Variants in PDE7B observed in about 807,000 individuals in gnomAD.
The protein encoded by PDE7B is phosphodiesterase 7B.
PDE7B carries 29 observed loss-of-function variants against 56.2 expected under a neutral mutation model. The ratio of observed to expected loss-of-function variants is 0.52; its 90% CI spans 0.38 to 0.70. PDE7B has a LOEUF of 0.70. PDE7B is among the 30% of genes least tolerant of loss of function. The pLI is 0.00. For synonymous variants in PDE7B, 197 were observed against 196.9 expected (o/e 1.00, Z 0.00); for missense variants, 490 against 565.0 (o/e 0.87, Z 1.35).
chr6:136,134,558 A>C (rs775967568), intron 3 of PDE7B, among the ~76,000 whole-genome samples: 2 of 151,828 alleles, frequency 1.3e-5, no homozygotes, highest in Non-Finnish European at 2.9e-5. Context: ...AATTCATTTA[A>C]ATTTCATTCA....
intron 1 of PDE7B, among the ~76,000 whole-genome samples, chr6:135,905,672 A>G (rs1776086477): frequency 6.6e-6 from 1 of 152,132 alleles, no homozygotes; most frequent in South Asian, 2.1e-4. Flanking sequence ...TGCCTTCCTA[A>G]CAGTCAGCCG....
chr6:136,038,554 G>A, intron 2 of PDE7B: 3 of 1,251,116 alleles, frequency 2.4e-6, no homozygotes, highest in South Asian at 2.7e-5. Context: ...GGTGTAATAG[G>A]TCACAGGACC....
Position 136,191,705 on chromosome 6 carries a change from C to A in PDE7B, c.1218C>A (p.Leu406=). ...TGTCGGAGAACATGCTGGGCCACCT[C>A]GCACACAACAAGGCCCAGTGGAAGA... ...STLSENMLGH[L]AHNKAQWKSL... Residue 406 remains leucine, a synonymous_variant, in exon 13 of 13, where the codon CTC becomes CTA. Coordinates refer to ENST00000308191, the MANE Select transcript of PDE7B (RefSeq NM_018945.4). 6.2e-7 allele frequency: 1 copy of A among 1,613,286 alleles called. No homozygotes were observed. Among genetic ancestry groups the A allele is most frequent in the South Asian group, 1.1e-5 (1 of 90,856 alleles).
intron 12 of PDE7B, among the ~76,000 whole-genome samples, chr6:136,189,149 C>T (rs1476135685): frequency 1.3e-5 from 2 of 152,196 alleles, no homozygotes; most frequent in Admixed American, 6.5e-5. Context: ...CTGAGATCTA[C>T]TCTCAGGCTT....
At chr6:135,928,522 T>A (rs1272916151) in intron 1 of PDE7B, among the ~76,000 whole-genome samples, 5 of 135,196 alleles carry the variant, frequency 3.7e-5, no homozygotes, top group Non-Finnish European at 7.8e-5. Flanking sequence ...TATTTATTTA[T>A]ATATATACAC....
chr6:135,896,644 A>G (rs1229821793), intron 1 of PDE7B, among the ~76,000 whole-genome samples: 2 of 152,144 alleles, frequency 1.3e-5, no homozygotes, highest in Non-Finnish European at 2.9e-5. Flanking sequence ...ACAGATGAAA[A>G]AAAGGAGACG....
intron 3 of PDE7B, among the ~76,000 whole-genome samples, chr6:136,125,595 C>CATAT (rs551540715): frequency 2.7e-5 from 4 of 150,662 alleles, no homozygotes; most frequent in African/African-American, 7.3e-5. Flanking sequence ...ATAAAGAATA[C>CATAT]ATATATATAT....
chr6:136,184,991 C>T (rs949703307), intron 11 of PDE7B, among the ~76,000 whole-genome samples: 7 of 152,110 alleles, frequency 4.6e-5, no homozygotes, highest in African/African-American at 1.7e-4. Flanking sequence ...AAGACAACTC[C>T]TCCAAAGTGT....
At chr6:135,872,867 T>C (rs6915146) in intron 1 of PDE7B, among the ~76,000 whole-genome samples, 3,446 of 152,296 alleles carry the variant, frequency 0.023, 112 homozygotes, top group African/African-American at 0.076. Context: ...TACTCATTTA[T>C]ATAGTAGTGA....
chr6:135,896,758 C>G (rs188153483), intron 1 of PDE7B, among the ~76,000 whole-genome samples: 2 of 152,264 alleles, frequency 1.3e-5, no homozygotes, highest in East Asian at 3.9e-4. Flanking sequence ...ACGCACCAAA[C>G]CTTAGACTAC....
intron 1 of PDE7B, among the ~76,000 whole-genome samples, chr6:135,929,380 G>A (rs1472159649): frequency 6.6e-6 from 1 of 152,042 alleles, no homozygotes; most frequent in Non-Finnish European, 1.5e-5. Flanking sequence ...GTCTAAACAT[G>A]GTATGGAGCA....
intron 2 of PDE7B, among the ~76,000 whole-genome samples, chr6:136,042,377 T>C (rs1249291450): frequency 6.6e-6 from 1 of 152,254 alleles, no homozygotes; most frequent in Admixed American, 6.5e-5. Context: ...CTTAGTTGAA[T>C]AAATAATTAG....
At chr6:136,035,964 T>C (rs564288277) in intron 2 of PDE7B, among the ~76,000 whole-genome samples, 1 of 152,338 alleles carries the variant, frequency 6.6e-6, no homozygotes, top group African/African-American at 2.4e-5. Context: ...CTAAGTACTA[T>C]TGCAAAATAA....
At chr6:136,005,250 C>T (rs140235514) in intron 2 of PDE7B, among the ~76,000 whole-genome samples, 2,012 of 152,172 alleles carry the variant, frequency 0.013, 47 homozygotes, top group African/African-American at 0.046. Flanking sequence ...CCGTAAAAAC[C>T]GTAGAAGAAA....
chr6:136,038,680 T>C (rs754131200), intron 2 of PDE7B, among the ~76,000 whole-genome samples: 1 of 152,152 alleles, frequency 6.6e-6, no homozygotes, highest in Non-Finnish European at 1.5e-5. Flanking sequence ...ATGATAGAAA[T>C]GCATCTTGAA....
intron 2 of PDE7B, among the ~76,000 whole-genome samples, chr6:136,040,536 A>G (rs529780365): frequency 6.6e-6 from 1 of 152,112 alleles, no homozygotes; most frequent in African/African-American, 2.4e-5. Flanking sequence ...CAGCACAACA[A>G]TGGGGCCCTC....
At chr6:136,032,064 C>A (rs1449468464) in intron 2 of PDE7B, among the ~76,000 whole-genome samples, 1 of 152,178 alleles carries the variant, frequency 6.6e-6, no homozygotes, top group Non-Finnish European at 1.5e-5. Context: ...TTTGATTCTG[C>A]ACACTACATT....
At chr6:136,180,209 C>T (rs1454459728) in intron 10 of PDE7B, among the ~76,000 whole-genome samples, 2 of 152,206 alleles carry the variant, frequency 1.3e-5, no homozygotes, top group Non-Finnish European at 2.9e-5. Flanking sequence ...AGCAGTAGAA[C>T]TATGACTCCT....
intron 2 of PDE7B, among the ~76,000 whole-genome samples, chr6:136,093,162 G>A (rs1395019293): frequency 1.3e-5 from 2 of 152,194 alleles, no homozygotes; most frequent in African/African-American, 4.8e-5. Flanking sequence ...TACCCAGTAT[G>A]ATGGCTGTGA....
Sources: gnomAD v4.1 joint callset for allele counts (sites outside exome capture counted in the v4.1 genomes callset) on GRCh38, gnomAD v4.1.1 for gene constraint, MANE v1.5 for transcripts, NCBI Gene and HGNC (gene_info 2026-07-23, HGNC 2026-07-21) for gene names.